CCDC157: variants seen among roughly 807,000 people sequenced by gnomAD.
The protein encoded by CCDC157 is coiled-coil domain containing 157.
CCDC157 carries 60 observed loss-of-function variants against 70.9 expected under a neutral mutation model. That is an observed-to-expected ratio of 0.85 (90% CI 0.69 to 1.05). The LOEUF (loss-of-function observed/expected upper bound fraction) is 1.05. CCDC157 is among the 50% of genes least tolerant of loss of function. The pLI is 0.00. For missense variants in CCDC157, 943 were observed against 984.2 expected, an observed-to-expected ratio of 0.96 and a Z score of 0.56; for synonymous variants, 373 against 422.4, an observed-to-expected ratio of 0.88 and a Z score of 1.43.
intron 5 of CCDC157, 53 bp from the exon 6 acceptor site, chr22:30,371,597 C>T (rs377739355): frequency 3.1e-5 from 46 of 1,491,482 alleles, no homozygotes; most frequent in Non-Finnish European, 3.9e-5. Flanking sequence ...GCATGAAGGC[C>T]GCCGGCCAGG....
intron 7 of CCDC157, 85 bp downstream of exon 7, chr22:30,372,371 A>T: frequency 7.0e-7 from 1 of 1,431,648 alleles, no homozygotes; most frequent in Non-Finnish European, 9.1e-7. Flanking sequence ...ATGGGGGATC[A>T]TCTATATTGG....
rs746570424 is a variant in CCDC157, at chr22:30,374,838, C to A, written c.1673-641C>A. On this transcript the variant is annotated intron_variant, in intron 9 of 11. Transcript: ENST00000338306. ...AAGAGCAGCCTGGCGGAATTCCTGC[C>A]GTTCCCAAGCTTGAGCTGGCCGTGT... 27 of 433,506 alleles carry A rather than the reference C, an allele frequency of 6.2e-5. 1 individual carries two copies. The highest frequency in any genetic ancestry group is 4.3e-4 in the South Asian group (26 of 60,822). 26.9% of individuals were successfully genotyped at this position (433,506 alleles called of 1,614,324 possible).
rs143332576 is a variant in CCDC157, at chr22:30,369,512, C to T, written c.329C>T (p.Ala110Val). 129 of 1,607,116 alleles carry T rather than the reference C, an allele frequency of 8.0e-5. 1 individual carries two copies. Among genetic ancestry groups the T allele is most frequent in the East Asian group, 2.9e-4 (13 of 44,290 alleles). Reference sequence around the variant, plus strand: ...CAGATGATGCCCCCTGCACAGGCTGCGGGGCCCTGCATGTCCGTGGGGCTC... The same window carrying T: ...CAGATGATGCCCCCTGCACAGGCTGTGGGGCCCTGCATGTCCGTGGGGCTC... ...SEQMMPPAQA[A>V]GPCMSVGLTV... The change falls in exon 4 of 12, where the codon GCG becomes GTG. Residue 110 changes from alanine (A) to valine (V), a missense_variant. By Grantham distance (64) the Ala-to-Val change is moderately conservative. Transcript: ENST00000338306.
chr22:30,369,880 C>T (rs529934514), intron 4 of CCDC157: 62 of 468,380 alleles, frequency 1.3e-4, no homozygotes, highest in Admixed American at 2.3e-4. Context: ...ATCTATACAA[C>T]GGAGGTCATG....
chr22:30,375,954 G>A (rs1933323946), intron 10 of CCDC157: 3 of 537,400 alleles, frequency 5.6e-6, no homozygotes, highest in Admixed American at 3.7e-5. Context: ...TTGAGAGGCT[G>A]AGGCGGGCAG....
intron 7 of CCDC157, 29 bp downstream of exon 7, chr22:30,372,315 C>A: frequency 6.7e-7 from 1 of 1,499,948 alleles, no homozygotes; most frequent in African/African-American, 1.4e-5. Flanking sequence ...CTAGCCTGGG[C>A]ATCTGCAATG....
At position 30,376,189 on chromosome 22, in the gene CCDC157, C is replaced by T. The variant is rs1933343564; in HGVS notation, c.1858-70C>T. 6 of 1,416,776 alleles carry T rather than the reference C, an allele frequency of 4.2e-6. No homozygotes were observed. The South Asian group carries it at 7.2e-5, about 17-fold the overall frequency. The allele number at this position is 1,416,776 out of a possible 1,614,324, so 87.8% of individuals were successfully genotyped here. ...CTTCCCTCCCCATCCCTGGCTACGA[C>T]ACCCTCTCTGTACAGTGGGGAGGGG... On this transcript the variant is annotated intron_variant, in intron 10 of 11. Coordinates refer to ENST00000338306, the MANE Select transcript of CCDC157 (RefSeq NM_001017437.5).
rs569178664 is a variant in CCDC157, at chr22:30,377,156, G to A, written c.*411G>A. 12 of 215,252 alleles carry A rather than the reference G, an allele frequency of 5.6e-5. No individual in the cohort carries two copies. The highest frequency in any genetic ancestry group is 9.8e-5 in the South Asian group (1 of 10,188). The allele number at this position is 215,252 out of a possible 1,614,324, so 13.3% of individuals were successfully genotyped here. On this transcript the variant is annotated 3_prime_UTR_variant, in exon 12 of 12. Transcript: ENST00000338306. ...GGTGGGAGTGGACAGAGGAAGGGCC[G>A]GTGAGGATGTCTGAAGCAGGCAGAG...
intron 2 of CCDC157, among the ~76,000 whole-genome samples, chr22:30,365,638 C>T (rs1015786669): frequency 3.3e-5 from 5 of 152,150 alleles, no homozygotes; most frequent in Non-Finnish European, 7.3e-5. Context: ...GTTGTGTGTG[C>T]CCTGTTCAAG....
rs1932716049 is a variant in CCDC157 at position 30,366,143 on chromosome 22, G to A, written c.143G>A (p.Cys48Tyr). The A allele has an allele frequency of 6.2e-7, 1 of 1,613,810 alleles. No individual in the cohort carries two copies. Among genetic ancestry groups the A allele is most frequent in the East Asian group, 2.2e-5 (1 of 44,884 alleles). Reference protein sequence around the residue: ...PSWKFPDRMACDLDMVALLEH... With the variant: ...PSWKFPDRMAYDLDMVALLEH... ...TGGAAGTTCCCTGACCGCATGGCCT[G>A]TGACCTCGACATGGTGGCCCTGCTG... The change falls in exon 3 of 12, where the codon TGT becomes TAT. Residue 48 changes from cysteine (C) to tyrosine (Y), a missense_variant. Cys to Tyr is a radical substitution (Grantham distance 194). Coordinates refer to ENST00000338306, the MANE Select transcript of CCDC157 (RefSeq NM_001017437.5).
At chr22:30,373,858 G>GCC in intron 8 of CCDC157, 65 bp from the exon 9 acceptor site, 1 of 1,548,598 alleles carries the variant, frequency 6.5e-7, no homozygotes, top group Non-Finnish European at 8.7e-7. Flanking sequence ...TAGGGACGGT[G>GCC]CCCCAGGGCG....
chr22:30,375,820 G>A (rs761341731), intron 10 of CCDC157, 157 bp downstream of exon 10: 13 of 668,912 alleles, frequency 1.9e-5, no homozygotes, highest in African/African-American at 9.1e-5. Flanking sequence ...TCCAGAAGGC[G>A]TGAGGATGTT....
At position 30,376,361 on chromosome 22, in the gene CCDC157, TA is replaced by T; in HGVS notation, c.1946+15del. 5 of 1,613,932 alleles carry T rather than the reference TA, an allele frequency of 3.1e-6. No homozygotes were observed. The highest frequency in any genetic ancestry group is 4.2e-6 in the Non-Finnish European group (5 of 1,179,882). On this transcript the variant is annotated intron_variant, in intron 11 of 11. Transcript: ENST00000338306. ...CACATCCCCAGGGTGAGTGAGGCTT[TA>T]CTGGAGGTGGGGCAGGTGAGTGGAG...
intron 10 of CCDC157, 63 bp from the exon 11 acceptor site, chr22:30,376,196 T>A: frequency 6.8e-7 from 1 of 1,468,946 alleles, no homozygotes; most frequent in Non-Finnish European, 9.5e-7. Context: ...CGACACCCTC[T>A]CTGTACAGTG....
chr22:30,370,632 C>G lies in CCDC157; in HGVS notation c.727C>G (p.Gln243Glu). 1.2e-6 allele frequency: 2 copies of G among 1,614,090 alleles called. No individual in the cohort carries two copies. The highest frequency in any genetic ancestry group is 1.7e-6 in the Non-Finnish European group (2 of 1,180,036). ...KVGKVVISLCQSQNLPSSLGQ... is the reference protein window; with the variant it reads ...KVGKVVISLCESQNLPSSLGQ... ...GGGCAAGGTGGTCATCAGCCTGTGT[C>G]AGAGCCAGAACCTGCCCTCGTCCTT... Residue 243 changes from glutamine to glutamate, a missense_variant, in exon 5 of 12, where the codon CAG becomes GAG. By Grantham distance (29) the Gln-to-Glu change is conservative. Coordinates refer to ENST00000338306, the MANE Select transcript of CCDC157 (RefSeq NM_001017437.5).
intron 2 of CCDC157, 30 bp downstream of exon 2, chr22:30,362,144 G>A (rs1365703114): frequency 6.6e-6 from 1 of 152,482 alleles, no homozygotes. Flanking sequence ...TTCTGGGAGG[G>A]TGAAGAGTCC....
chr22:30,370,700 G>C lies in CCDC157; in HGVS notation c.795G>C (p.Arg265Ser), dbSNP rs1258551779. 3.1e-6 allele frequency: 5 copies of C among 1,613,292 alleles called. No individual in the cohort carries two copies. Among genetic ancestry groups the C allele is most frequent in the Non-Finnish European group, 4.2e-6 (5 of 1,179,838 alleles). ...QQLVQDSMGL[R>S]PLPAATVGRW... ...TGGTGCAGGACAGCATGGGGCTCAG[G>C]CCACTGCCGGCTGCCACCGTGGGCC... The change falls in exon 5 of 12, where the codon AGG becomes AGC. Residue 265 changes from arginine (R) to serine (S), a missense_variant. Arg to Ser is a moderately radical substitution (Grantham distance 110). Coordinates refer to ENST00000338306, the MANE Select transcript of CCDC157 (RefSeq NM_001017437.5).
chr22:30,358,068 C>T (rs1932053091), intron 1 of CCDC157, among the ~76,000 whole-genome samples: 1 of 152,204 alleles, frequency 6.6e-6, no homozygotes, highest in African/African-American at 2.4e-5. Flanking sequence ...TCTCCCTCTC[C>T]TGCGATTCCC....
At chr22:30,356,913 G>T (rs1399796307), upstream of CCDC157, 5 of 847,466 alleles carry the variant, frequency 5.9e-6, no homozygotes, top group Non-Finnish European at 7.9e-6. Context: ...AGCGAGTTGC[G>T]GCCGCGAAGG....
Sources: gnomAD v4.1 joint callset for allele counts (sites outside exome capture counted in the v4.1 genomes callset) on GRCh38, gnomAD v4.1.1 for gene constraint, MANE v1.5 for transcripts, NCBI Gene and HGNC (gene_info 2026-07-23, HGNC 2026-07-21) for gene names.